Variants in SETD9 observed in about 807,000 individuals in gnomAD.
SETD9 encodes SET domain containing 9.
SETD9 carries 37 observed loss-of-function variants against 36.4 expected under a neutral mutation model. The ratio of observed to expected loss-of-function variants is 1.02; its 90% CI spans 0.78 to 1.34. The LOEUF (loss-of-function observed/expected upper bound fraction) is 1.34. SETD9 is among the 40% of genes most tolerant of loss of function. The pLI is 0.00. For synonymous variants in SETD9, 128 were observed against 132.9 expected (o/e 0.96, Z 0.26); for missense variants, 323 against 353.2 (o/e 0.91, Z 0.69).
rs185144466 is a variant in SETD9, at chr5:56,910,471, C to T, written c.99-698C>T. On this transcript the variant is annotated intron_variant, in intron 1 of 5. Transcript: ENST00000285947. ...TGCTCACCAAAGAGGCCGACCGGGC[C>T]TCCCTGAAGTCAGTGTCCGACAAAT... 12 of 1,172,264 alleles carry T rather than the reference C, an allele frequency of 1.0e-5. No individual in the cohort carries two copies. The Admixed American group carries it at 3.8e-4, about 38-fold the overall frequency. 72.6% of individuals were successfully genotyped at this position (1,172,264 alleles called of 1,614,324 possible).
At chr5:56,910,444 C>A (rs566168061) in intron 1 of SETD9, 1 of 1,263,424 alleles carries the variant, frequency 7.9e-7, no homozygotes. Flanking sequence ...AGCTCAACAC[C>A]GTGCTCACCA....
At chr5:56,924,047 T>A (rs1749828201) in intron 5 of SETD9, 1 of 1,584,672 alleles carries the variant, frequency 6.3e-7, no homozygotes, top group East Asian at 2.2e-5. Context: ...TCTCACCTAA[T>A]GAAAAAGTTG....
At chr5:56,926,161 G>C (rs1235171874), downstream of SETD9, among the ~76,000 whole-genome samples, 1 of 151,982 alleles carries the variant, frequency 6.6e-6, no homozygotes, top group Non-Finnish European at 1.5e-5. Context: ...GACAACAGTA[G>C]AAAATCTAGG....
rs944203601 is a variant in SETD9 at position 56,910,033 on chromosome 5, C to T, written c.98+290C>T. On this transcript the variant is annotated intron_variant, in intron 1 of 5. Transcript: ENST00000285947. Reference sequence around the variant, plus strand: ...GGTGGGCGGGGCCTATGGCCTCTTTCCCAGTGTCCGCTGCGCTGCCGGGCC... The same window carrying T: ...GGTGGGCGGGGCCTATGGCCTCTTTTCCAGTGTCCGCTGCGCTGCCGGGCC... 115 of 1,339,644 alleles carry T rather than the reference C, an allele frequency of 8.6e-5. 2 individuals carry two copies. In the South Asian group the frequency reaches 1.6e-3, roughly 18 times the overall value. 83.0% of individuals were successfully genotyped at this position (1,339,644 alleles called of 1,614,324 possible). A position where few individuals can be genotyped will look rare whatever the true frequency, so the allele number is the denominator to read the frequency against.
downstream of SETD9, among the ~76,000 whole-genome samples, chr5:56,918,037 T>C (rs908438899): frequency 2.0e-5 from 3 of 152,156 alleles, no homozygotes; most frequent in Non-Finnish European, 2.9e-5. Context: ...CTGTCCCCCT[T>C]ACAGAACATA....
chr5:56,910,288 T>A, intron 1 of SETD9: 1 of 1,304,154 alleles, frequency 7.7e-7, no homozygotes, highest in Non-Finnish European at 1.0e-6. Flanking sequence ...CTTCACGTGG[T>A]TAAAGAAGCC....
downstream of SETD9, chr5:56,928,286 C>T (rs1394334200): frequency 6.6e-6 from 1 of 152,362 alleles, no homozygotes; most frequent in African/African-American, 2.4e-5. Context: ...AAGCTATCTT[C>T]CAACGTGGCC....
chr5:56,910,882 C>T lies in SETD9; in HGVS notation c.99-287C>T, dbSNP rs1265403029. 8 of 209,884 alleles carry T rather than the reference C, an allele frequency of 3.8e-5. No homozygotes were observed. The East Asian group carries it at 8.7e-4, about 23-fold the overall frequency. The allele number at this position is 209,884 out of a possible 1,614,324, so 13.0% of individuals were successfully genotyped here. A position where few individuals can be genotyped will look rare whatever the true frequency, so the allele number is the denominator to read the frequency against. On this transcript the variant is annotated intron_variant, in intron 1 of 5. Transcript: ENST00000285947. ...TGGCTTTGGGACCTTGAACAAGTTC[C>T]CTAACAATTTTGCTTTCCTTGTCTG...
chr5:56,917,167 C>T lies in SETD9; in HGVS notation c.*265C>T, dbSNP rs1749472873. 1.8e-6 allele frequency: 2 copies of T among 1,122,818 alleles called. No homozygotes were observed. Among genetic ancestry groups the T allele is most frequent in the Admixed American group, 1.1e-4 (2 of 18,908 alleles). The allele number at this position is 1,122,818 out of a possible 1,614,324, so 69.6% of individuals were successfully genotyped here. On this transcript the variant is annotated 3_prime_UTR_variant, in exon 6 of 6. Coordinates refer to ENST00000285947, the MANE Select transcript of SETD9 (RefSeq NM_153706.4). ...ACACAATAGCTTATTAAATTAAAAC[C>T]TACTCTTTGAACTTATAATTTCAAT...
Position 56,923,347 on chromosome 5 carries a change from T to C in SETD9, c.813-1986T>C, listed in dbSNP as rs1381502401. The C allele has an allele frequency of 3.1e-6, 5 of 1,614,204 alleles. No homozygotes were observed. The South Asian group carries it at 3.3e-5, about 11-fold the overall frequency. On this transcript the variant is annotated intron_variant, in intron 5 of 5. Coordinates refer to the SETD9 transcript ENST00000628593. The stretch of plus-strand genomic sequence containing the variant: ...CAATGCCCATTTTCAATCTTTTTGC[T>C]GGTCTCTCTGACTCTTCACTGCACA...
At position 56,913,936 on chromosome 5, in the gene SETD9, C is replaced by T. The variant is rs1749292355; in HGVS notation, c.653C>T (p.Ser218Leu). ...LKMSDSTWLT[S>L]EIHNPLAVGQ... ...ATGAGTGATAGTACATGGCTAACGT[C>T]AGAAATTCATAACCCTCTGGCTGTG... Residue 218 changes from serine (S) to leucine (L), a missense_variant, in exon 4 of 6, where the codon TCA becomes TTA. Ser to Leu is a moderately radical substitution (Grantham distance 145, BLOSUM62 -2). Coordinates refer to ENST00000285947, the MANE Select transcript of SETD9 (RefSeq NM_153706.4). 6.2e-7 allele frequency: 1 copy of T among 1,613,980 alleles called. No homozygotes were observed. Among genetic ancestry groups the T allele is most frequent in the Non-Finnish European group, 8.5e-7 (1 of 1,179,900 alleles).
chr5:56,915,211 C>A (rs1443080072), intron 5 of SETD9, among the ~76,000 whole-genome samples: 3 of 152,072 alleles, frequency 2.0e-5, no homozygotes, highest in Non-Finnish European at 2.9e-5. Flanking sequence ...TCATAAGTAT[C>A]CACCTTAAAG....
chr5:56,909,979 C>A (rs970560187), intron 1 of SETD9: 1 of 1,293,554 alleles, frequency 7.7e-7, no homozygotes, highest in Non-Finnish European at 1.0e-6. Flanking sequence ...CCGAGGCCCG[C>A]TGGAAGCCTG....
At chr5:56,914,822 T>TAATG (rs1561221186) in intron 4 of SETD9, 39 bp from the exon 5 acceptor site, 1 of 1,457,986 alleles carries the variant, frequency 6.9e-7, no homozygotes, top group Non-Finnish European at 9.4e-7. Context: ...TGACCTTGTA[T>TAATG]AATGGCTCTT....
At chr5:56,925,458 A>C in exon 6 of SETD9, 1 of 339,334 alleles carries the variant, frequency 2.9e-6, no homozygotes, top group Non-Finnish European at 5.8e-6. Context: ...TTTCCTATAT[A>C]ACAGCAATGA....
downstream of SETD9, among the ~76,000 whole-genome samples, chr5:56,919,223 T>G (rs563065296): frequency 6.6e-6 from 1 of 150,886 alleles, no homozygotes; most frequent in South Asian, 2.1e-4. Context: ...CCCCCAGGGT[T>G]CAAGCAATTT....
chr5:56,923,606 G>A lies in SETD9; in HGVS notation c.813-1727G>A, dbSNP rs571128483. ...CAAAGCTAAAAAGGAATGGAAAATT[G>A]TTTAAGTAAGTGGTCCTATGACATC... On this transcript the variant is annotated intron_variant, in intron 5 of 5. Coordinates refer to the SETD9 transcript ENST00000628593. 8.7e-6 allele frequency: 14 copies of A among 1,611,386 alleles called. No individual in the cohort carries two copies. The South Asian group carries it at 8.8e-5, about 10-fold the overall frequency.
intron 5 of SETD9, chr5:56,922,857 AT>A (rs938065091): frequency 9.7e-6 from 4 of 412,906 alleles, no homozygotes; most frequent in Admixed American, 3.7e-5. Context: ...GGGAAGAGGT[AT>A]TGGGAGATGA....
chr5:56,910,980 G>T, intron 1 of SETD9, 189 bp from the exon 2 acceptor site: 1 of 489,166 alleles, frequency 2.0e-6, no homozygotes, highest in Non-Finnish European at 3.5e-6. Flanking sequence ...TGACTACTTG[G>T]GTGGGAAGTG....
Sources: gnomAD v4.1 joint callset for allele counts (sites outside exome capture counted in the v4.1 genomes callset) on GRCh38, gnomAD v4.1.1 for gene constraint, MANE v1.5 for transcripts, NCBI Gene and HGNC (gene_info 2026-07-23, HGNC 2026-07-21) for gene names.